Variants in GLIS3 observed in about 807,000 individuals in gnomAD.
GLIS3 encodes the protein zinc finger protein GLIS3.
A neutral mutation model predicts 78.6 loss-of-function variants in GLIS3; 53 were observed. The ratio of observed to expected loss-of-function variants is 0.67; its 90% CI spans 0.54 to 0.85. The LOEUF is 0.85. GLIS3 is among the 40% of genes least tolerant of loss of function. The pLI is 0.00. For synonymous variants in GLIS3, 684 were observed against 509.9 expected (o/e 1.34, Z -4.60); for missense variants, 1,703 against 1,231.1 (o/e 1.38, Z -5.74).
chr9:4,063,473 G>A (rs1311285058), intron 4 of GLIS3, among the ~76,000 whole-genome samples: 6 of 151,602 alleles, frequency 4.0e-5, no homozygotes, highest in South Asian at 2.1e-4. Flanking sequence ...GTAATTTAGC[G>A]CATTAACAGA....
At chr9:4,108,741 T>C (rs1415305062) in intron 4 of GLIS3, among the ~76,000 whole-genome samples, 1 of 152,146 alleles carries the variant, frequency 6.6e-6, no homozygotes, top group Non-Finnish European at 1.5e-5. Flanking sequence ...ACAGAAAAGA[T>C]AACTGTCTGG....
At position 4,163,244 on chromosome 9, in the gene GLIS3, GCACACA is replaced by G. The variant is rs59165297; in HGVS notation, c.389-37309_389-37304del. Among the ~76,000 whole-genome samples the G allele has an allele frequency of 2.6e-3, 390 of 151,656 alleles. 2 individuals are homozygous for G. The highest frequency in any genetic ancestry group is 8.0e-3 in the African/African-American group (332 of 41,420). ...TCAGCATGTGCACGCATGTGCACTG[GCACACA>G]CACACACACACACACACACGCGCAC... On this transcript the variant is annotated intron_variant, in intron 2 of 10. Coordinates refer to ENST00000381971, the MANE Select transcript of GLIS3 (RefSeq NM_001042413.2).
At chr9:4,196,409 C>CT (rs1490968098) in intron 2 of GLIS3, among the ~76,000 whole-genome samples, 7 of 152,218 alleles carry the variant, frequency 4.6e-5, no homozygotes, top group African/African-American at 1.4e-4. Context: ...TCCCTTTCCG[C>CT]ACTGTGGAAG....
At chr9:4,129,241 G>A (rs694149) in intron 2 of GLIS3, among the ~76,000 whole-genome samples, 5,043 of 152,230 alleles carry the variant, frequency 0.033, 90 homozygotes, top group Admixed American at 0.066. Flanking sequence ...GCTTGCCTGG[G>A]ATCTGCTATT....
chr9:4,219,593 C>T (rs1266672000), intron 2 of GLIS3, among the ~76,000 whole-genome samples: 1 of 152,042 alleles, frequency 6.6e-6, no homozygotes, highest in Non-Finnish European at 1.5e-5. Context: ...TCACATCTCT[C>T]ATACCCATAG....
chr9:4,307,283 T>C (rs1248045403), intron 4 of GLIS3, among the ~76,000 whole-genome samples: 1 of 152,110 alleles, frequency 6.6e-6, no homozygotes, highest in Non-Finnish European at 1.5e-5. Flanking sequence ...TACATGTTGA[T>C]GAGATATGTG....
At chr9:4,054,953 T>C (rs1362238974) in intron 4 of GLIS3, among the ~76,000 whole-genome samples, 1 of 152,170 alleles carries the variant, frequency 6.6e-6, no homozygotes, top group Non-Finnish European at 1.5e-5. Context: ...CAGCTACAAA[T>C]GAGCCTTCCT....
chr9:4,134,414 T>A (rs1475002204), intron 2 of GLIS3, among the ~76,000 whole-genome samples: 1 of 152,172 alleles, frequency 6.6e-6, no homozygotes, highest in African/African-American at 2.4e-5. Flanking sequence ...TATTTTTATT[T>A]TGCATGGGAA....
chr9:4,011,917 T>C (rs1014576474), intron 4 of GLIS3, among the ~76,000 whole-genome samples: 2 of 152,152 alleles, frequency 1.3e-5, no homozygotes, highest in African/African-American at 2.4e-5. Flanking sequence ...CAGACTGCTA[T>C]GGTTGAGAAT....
chr9:4,079,283 T>G (rs771387475), intron 4 of GLIS3, among the ~76,000 whole-genome samples: 6 of 152,170 alleles, frequency 3.9e-5, no homozygotes, highest in Non-Finnish European at 7.3e-5. Context: ...ATTCCCTCTT[T>G]GCAAATTAAA....
At chr9:3,957,075 C>G (rs1455449432) in intron 4 of GLIS3, among the ~76,000 whole-genome samples, 1 of 152,204 alleles carries the variant, frequency 6.6e-6, no homozygotes, top group South Asian at 2.1e-4. Context: ...CACCTGCCTC[C>G]CACAGTGCAG....
At chr9:4,194,771 C>A (rs1818655899) in intron 2 of GLIS3, among the ~76,000 whole-genome samples, 2 of 152,196 alleles carry the variant, frequency 1.3e-5, no homozygotes, top group South Asian at 2.1e-4. Context: ...AAGCTCCGGG[C>A]AACCCTGGCC....
chr9:4,310,597 A>T (rs1311205528), intron 2 of GLIS3: 1 of 152,270 alleles, frequency 6.6e-6, no homozygotes, highest in Non-Finnish European at 1.5e-5. Flanking sequence ...CTGCCTCCAA[A>T]GCTAAACTAT....
chr9:4,109,317 T>C (rs752060840), intron 4 of GLIS3, among the ~76,000 whole-genome samples: 1 of 152,218 alleles, frequency 6.6e-6, no homozygotes, highest in Non-Finnish European at 1.5e-5. Context: ...CACAGGATAA[T>C]GTATGCAGCC....
chr9:4,393,752 C>T, the GLIS3 span, among the ~76,000 whole-genome samples: 1 of 152,174 alleles, frequency 6.6e-6, no homozygotes, highest in East Asian at 1.9e-4. Flanking sequence ...CTTCTGCGTA[C>T]ATCATATCAG....
In GLIS3 at chr9:4,060,695, G is replaced by C. The variant is rs139902406; in HGVS notation, c.1710+57073C>G. Among the ~76,000 whole-genome samples the C allele has an allele frequency of 3.3e-5, 5 of 152,288 alleles. No individual in the cohort carries two copies. In the East Asian group the frequency reaches 9.6e-4, roughly 29 times the overall value. On this transcript the variant is annotated intron_variant, in intron 4 of 10. Transcript: ENST00000381971. ...CCCACCAACAAGAAGGCCTTCACTG[G>C]ATGCAACCTCTCAACCTTGAATTCC... is the stretch of plus-strand genomic sequence containing the variant.
intron 4 of GLIS3, among the ~76,000 whole-genome samples, chr9:4,113,521 C>T (rs1451726301): frequency 6.6e-6 from 1 of 152,088 alleles, no homozygotes; most frequent in African/African-American, 2.4e-5. Context: ...TCATTATTGC[C>T]AATATGAGGA....
chr9:3,922,511 C>T (rs541140149), intron 6 of GLIS3, among the ~76,000 whole-genome samples: 8 of 152,106 alleles, frequency 5.3e-5, no homozygotes, highest in Non-Finnish European at 8.8e-5. Context: ...GAAGAATGGA[C>T]TCTGAACATG....
chr9:4,066,874 C>G (rs1478685801), intron 4 of GLIS3, among the ~76,000 whole-genome samples: 1 of 152,166 alleles, frequency 6.6e-6, no homozygotes, highest in Non-Finnish European at 1.5e-5. Context: ...ACAAGTTTCT[C>G]CAGTACCCCA....
Sources: allele counts gnomAD v4.1 joint callset (sites outside exome capture counted in the v4.1 genomes callset), GRCh38; gene constraint gnomAD v4.1.1; transcripts MANE v1.5; gene names NCBI Gene and HGNC (gene_info 2026-07-23, HGNC 2026-07-21).